The following TRIM41 variants were observed in gnomAD, a reference collection of about 807,000 sequenced individuals.
The protein encoded by TRIM41 is E3 ubiquitin-protein ligase TRIM41.
In TRIM41, 21 loss-of-function variants were observed where a neutral mutation model predicts 60.6. The ratio of observed to expected loss-of-function variants is 0.35; its 90% CI spans 0.25 to 0.50. The LOEUF (loss-of-function observed/expected upper bound fraction) is 0.50, where lower values mean the gene tolerates loss of function less well. Among genes scored for constraint, TRIM41 ranks in the 20% least tolerant of loss-of-function variants. TRIM41 has a pLI of 0.98. For synonymous variants in TRIM41, 407 were observed against 344.9 expected (o/e 1.18, Z -2.00); for missense variants, 846 against 868.3 (o/e 0.97, Z 0.32).
At chr5:181,227,454 A>G (rs889437800) in intron 1 of TRIM41, 16 of 151,940 alleles carry the variant, frequency 1.1e-4, no homozygotes, top group African/African-American at 3.9e-4. Context: ...GGTTCACGCC[A>G]TTCTCCTGCC....
chr5:181,223,899 G>A lies in TRIM41; in HGVS notation c.-101G>A. 1 of 1,253,378 alleles carries A rather than the reference G, an allele frequency of 8.0e-7. No individual in the cohort carries two copies. Among genetic ancestry groups the A allele is most frequent in the Non-Finnish European group, 1.1e-6 (1 of 906,228 alleles). The allele number at this position is 1,253,378 out of a possible 1,614,324, so 77.6% of individuals were successfully genotyped here. On this transcript the variant is annotated 5_prime_UTR_variant, in exon 1 of 6. Coordinates refer to ENST00000315073, the MANE Select transcript of TRIM41 (RefSeq NM_033549.5). ...TGCTCTTGGGGCGAGGTGTGGAGGG[G>A]CAGGGCTGGGGGTGGAGCCGGGTCG...
At position 181,223,756 on chromosome 5, in the gene TRIM41, C is replaced by T. The variant is rs1758400002; in HGVS notation, c.-244C>T. 1.7e-6 allele frequency: 1 copy of T among 597,510 alleles called. No homozygotes were observed. Among genetic ancestry groups the T allele is most frequent in the Non-Finnish European group, 3.0e-6 (1 of 335,906 alleles). 37.0% of individuals were successfully genotyped at this position (597,510 alleles called of 1,614,324 possible). On this transcript the variant is annotated 5_prime_UTR_variant, in exon 1 of 6. Coordinates refer to ENST00000315073, the MANE Select transcript of TRIM41 (RefSeq NM_033549.5). Reference sequence around the variant, plus strand: ...TGGGGCAGACTTGTACTCAGAGCCACCTGAGGGACTTGGCGGTGGCGCCCA... The same window carrying T: ...TGGGGCAGACTTGTACTCAGAGCCATCTGAGGGACTTGGCGGTGGCGCCCA...
intron 2 of TRIM41, chr5:181,231,643 T>C (rs1340546846): frequency 6.6e-6 from 1 of 152,490 alleles, no homozygotes; most frequent in Non-Finnish European, 1.5e-5. Flanking sequence ...AGGCACTGAA[T>C]GGTAGGATCT....
At position 181,235,329 on chromosome 5, in the gene TRIM41, C is replaced by A. The variant is rs1329681306; in HGVS notation, c.*554C>A. The A allele has an allele frequency of 6.2e-7, 1 of 1,614,064 alleles. No homozygotes were observed. The highest frequency in any genetic ancestry group is 1.1e-5 in the South Asian group (1 of 91,088). On this transcript the variant is annotated 3_prime_UTR_variant, in exon 6 of 6. Transcript: ENST00000315073. ...GGAGGAGGGATTCTAAACTTTCCTT[C>A]CGTCCTCAATTTCTACCTCCATAGA...
chr5:181,228,686 G>A (rs142804151), intron 1 of TRIM41: 3,971 of 151,480 alleles, frequency 0.026, 82 homozygotes, highest in Middle Eastern at 0.058. Flanking sequence ...TGTAGTCCCA[G>A]CACTTTGGGA....
At chr5:181,231,107 C>A in intron 2 of TRIM41, 1 of 352,712 alleles carries the variant, frequency 2.8e-6, no homozygotes, top group Non-Finnish European at 5.6e-6. Flanking sequence ...AACAGGCTTT[C>A]TACCCGACAC....
In TRIM41 at chr5:181,234,296, G is replaced by A. The variant is rs1311059445; in HGVS notation, c.1414G>A (p.Asp472Asn). The change falls in exon 6 of 6, where the codon GAC (aspartate) becomes AAC (asparagine). Residue 472 changes from aspartate to asparagine, a missense_variant. Coordinates refer to ENST00000315073, the MANE Select transcript of TRIM41 (RefSeq NM_033549.5). The surrounding 1 kb of genome is among the most constrained non-coding windows in gnomAD (Gnocchi z 5.6). ...TGACCATCCCAAGCGCTTCTCGGCC[G>A]ACTGCTGCGTACTGGGGGCCCAGGG... ...VADHPKRFSA[D>N]CCVLGAQGFR... is the part of the protein sequence containing the mutation. 10 of 1,612,548 alleles carry A rather than the reference G, an allele frequency of 6.2e-6. No individual in the cohort carries two copies. Among genetic ancestry groups the A allele is most frequent in the African/African-American group, 1.3e-5 (1 of 74,922 alleles).
At position 181,235,287 on chromosome 5, in the gene TRIM41, A is replaced by C. The variant is rs2113198633; in HGVS notation, c.*512A>C. 4.3e-6 allele frequency: 7 copies of C among 1,613,736 alleles called. No homozygotes were observed. In the South Asian group the frequency reaches 5.5e-5, roughly 13 times the overall value. On this transcript the variant is annotated 3_prime_UTR_variant, in exon 6 of 6. Transcript: ENST00000315073. ...GGCCAAAGGGTAGAGCTGGGTAATAAATGTCTATTCTCCTGGGGAGGAGGG... is the reference window on the plus strand; with the variant it reads ...GGCCAAAGGGTAGAGCTGGGTAATACATGTCTATTCTCCTGGGGAGGAGGG...
chr5:181,234,892 C>T lies in TRIM41; in HGVS notation c.*117C>T, dbSNP rs749172498. ...CCACTGCTTGTTACTGTGTTGCTTC[C>T]CACTCCCCCTTGACCCCAGGCCCCT... On this transcript the variant is annotated 3_prime_UTR_variant, in exon 6 of 6. Coordinates refer to ENST00000315073, the MANE Select transcript of TRIM41 (RefSeq NM_033549.5). The surrounding 1 kb of genome is among the most constrained non-coding windows in gnomAD (Gnocchi z 5.6). 6 of 1,612,308 alleles carry T rather than the reference C, an allele frequency of 3.7e-6. No homozygotes were observed. The highest frequency in any genetic ancestry group is 2.2e-5 in the South Asian group (2 of 91,052).
intron 2 of TRIM41, chr5:181,231,062 A>G (rs1216724408): frequency 4.8e-6 from 2 of 420,100 alleles, no homozygotes; most frequent in African/African-American, 4.1e-5. Flanking sequence ...TGAGGCCTGG[A>G]TTGGAGGGCC....
rs1759051323 is a variant in TRIM41 at position 181,235,292 on chromosome 5, C to T, written c.*517C>T. 1.2e-5 allele frequency: 19 copies of T among 1,613,960 alleles called. No homozygotes were observed. The highest frequency in any genetic ancestry group is 1.6e-5 in the Non-Finnish European group (19 of 1,179,938). On this transcript the variant is annotated 3_prime_UTR_variant, in exon 6 of 6. Transcript: ENST00000315073. ...AAGGGTAGAGCTGGGTAATAAATGTCTATTCTCCTGGGGAGGAGGGATTCT... is the reference window on the plus strand; with the variant it reads ...AAGGGTAGAGCTGGGTAATAAATGTTTATTCTCCTGGGGAGGAGGGATTCT...
intron 1 of TRIM41, chr5:181,230,371 C>T (rs762887846): frequency 4.2e-5 from 7 of 166,230 alleles, no homozygotes; most frequent in South Asian, 1.4e-4. Flanking sequence ...GTGGTGGGCA[C>T]CTGTAGTACC....
In TRIM41 at chr5:181,233,516, T is replaced by C; in HGVS notation, c.1163+81T>C. 1 of 1,612,464 alleles carries C rather than the reference T, an allele frequency of 6.2e-7. No individual in the cohort carries two copies. The highest frequency in any genetic ancestry group is 1.1e-5 in the South Asian group (1 of 91,022). Reference sequence around the variant, plus strand: ...GCTTCTCTTCGGTATCCCTCTCCTCTCCTTCCTTCCCCAGGACCTGAGTTT... The same window carrying C: ...GCTTCTCTTCGGTATCCCTCTCCTCCCCTTCCTTCCCCAGGACCTGAGTTT... On this transcript the variant is annotated intron_variant, in intron 4 of 5. Coordinates refer to ENST00000315073, the MANE Select transcript of TRIM41 (RefSeq NM_033549.5). The surrounding 1 kb of genome is among the most constrained non-coding windows in gnomAD (Gnocchi z 4.1).
Position 181,235,003 on chromosome 5 carries a change from T to C in TRIM41, c.*228T>C. On this transcript the variant is annotated 3_prime_UTR_variant, in exon 6 of 6. Coordinates refer to ENST00000315073, the MANE Select transcript of TRIM41 (RefSeq NM_033549.5). ...ACTATGTCTGTCCAACAGGTCTGCATGGGTCCCTGATAATGAGAACAGCTG... is the reference window on the plus strand; with the variant it reads ...ACTATGTCTGTCCAACAGGTCTGCACGGGTCCCTGATAATGAGAACAGCTG... 1.2e-6 allele frequency: 2 copies of C among 1,614,120 alleles called. No individual in the cohort carries two copies. The highest frequency in any genetic ancestry group is 1.1e-5 in the South Asian group (1 of 91,078).
chr5:181,230,691 C>T (rs575897475), intron 1 of TRIM41, 53 bp from the exon 2 acceptor site: 2 of 1,491,772 alleles, frequency 1.3e-6, no homozygotes, highest in East Asian at 2.3e-5. Flanking sequence ...GAGGTAGGCT[C>T]TGAAGGGCAG....
Position 181,224,480 on chromosome 5 carries a change from G to C in TRIM41, c.481G>C (p.Glu161Gln), listed in dbSNP as rs1157619256. 1.9e-5 allele frequency: 31 copies of C among 1,613,538 alleles called. No homozygotes were observed. The highest frequency in any genetic ancestry group is 2.4e-5 in the Non-Finnish European group (28 of 1,179,720). ...EDEEEVLEEV[E>Q]EEDLDPVTPL... is the part of the protein sequence containing the mutation. ...CGAGGAGGAAGTGCTGGAGGAGGTT[G>C]AGGAAGAGGATCTAGACCCCGTCAC... The change falls in exon 1 of 6, where the codon GAG becomes CAG. Residue 161 changes from glutamate to glutamine, a missense_variant. By Grantham distance (29) the Glu-to-Gln change is conservative. Transcript: ENST00000315073.
chr5:181,231,817 G>A (rs1380505373), intron 2 of TRIM41: 1 of 152,254 alleles, frequency 6.6e-6, no homozygotes, highest in African/African-American at 2.4e-5. Context: ...ACCCTCCTCT[G>A]GCCTGCTGCT....
chr5:181,223,750 G>T lies in TRIM41; in HGVS notation c.-250G>T, dbSNP rs1582265073. On this transcript the variant is annotated 5_prime_UTR_variant, in exon 1 of 6. Coordinates refer to ENST00000315073, the MANE Select transcript of TRIM41 (RefSeq NM_033549.5). ...GAGCATTGGGGCAGACTTGTACTCA[G>T]AGCCACCTGAGGGACTTGGCGGTGG... 5.0e-6 allele frequency: 3 copies of T among 595,080 alleles called. No homozygotes were observed. The African/African-American group carries it at 5.6e-5, about 11-fold the overall frequency. The allele number at this position is 595,080 out of a possible 1,614,324, so 36.9% of individuals were successfully genotyped here.
rs1758994252 is a variant in TRIM41 at position 181,234,719 on chromosome 5, G to A, written c.1837G>A (p.Val613Ile). 6.2e-7 allele frequency: 1 copy of A among 1,614,064 alleles called. No homozygotes were observed. Among genetic ancestry groups the A allele is most frequent in the African/African-American group, 1.3e-5 (1 of 74,938 alleles). The change falls in exon 6 of 6, where the codon GTC (valine) becomes ATC (isoleucine). Residue 613 changes from valine (V) to isoleucine (I), a missense_variant. Physicochemically the swap from Val to Ile is conservative, Grantham distance 29. Coordinates refer to ENST00000315073, the MANE Select transcript of TRIM41 (RefSeq NM_033549.5). The surrounding 1 kb of genome is among the most constrained non-coding windows in gnomAD (Gnocchi z 5.6). ...TFSAAFLGER[V>I]FPFFRVLSKG... ...CTCGGCTGCCTTCCTGGGCGAGCGT[G>A]TCTTTCCTTTCTTCCGGGTGCTCTC...
Sources: gnomAD v4.1 joint callset for allele counts on GRCh38, gnomAD v4.1.1 for gene constraint, Gnocchi (gnomAD v3.1) non-coding constraint, MANE v1.5 for transcripts, NCBI Gene and HGNC (gene_info 2026-07-23, HGNC 2026-07-21) for gene names.